ME3: variants seen among roughly 807,000 people sequenced by gnomAD.
ME3 encodes malic enzyme 3.
Under a neutral mutation model 68.9 loss-of-function variants are expected in ME3, and 48 were observed. That is an observed-to-expected ratio of 0.70 (90% CI 0.55 to 0.89). The LOEUF (loss-of-function observed/expected upper bound fraction) is 0.89. Ranked by LOEUF, ME3 falls within the 40% of genes least tolerant of loss-of-function variation. The pLI, the probability that ME3 is intolerant of heterozygous loss-of-function variation, is 0.00. For missense variants in ME3, 675 were observed against 797.4 expected, an observed-to-expected ratio of 0.85 and a Z score of 1.85; for synonymous variants, 320 against 318.8, an observed-to-expected ratio of 1.00 and a Z score of -0.04.
At chr11:86,497,942 C>T in intron 6 of ME3, 21 bp downstream of exon 6, 11 of 1,565,864 alleles carry the variant, frequency 7.0e-6, no homozygotes, top group Non-Finnish European at 9.5e-6. Flanking sequence ...CCCAGAGCTC[C>T]TGCCCTGGGC....
rs560130040 is a variant in ME3, at chr11:86,624,551, A to G, written c.183+47211T>C. The stretch of plus-strand genomic sequence containing the variant: ...TGCAGAGTTTCTGGAGTGGCTACTA[A>G]TTATAGGAACATCTGAGATAACTGG... On this transcript the variant is annotated intron_variant, in intron 2 of 14. Transcript: ENST00000543262. Among the ~76,000 whole-genome samples the G allele has an allele frequency of 3.9e-5, 6 of 152,360 alleles. No individual in the cohort carries two copies. In the South Asian group the frequency reaches 1.2e-3, roughly 32 times the overall value.
intron 8 of ME3, among the ~76,000 whole-genome samples, chr11:86,451,033 G>T (rs1192898879): frequency 6.6e-6 from 1 of 152,216 alleles, no homozygotes; most frequent in Non-Finnish European, 1.5e-5. Flanking sequence ...AAAAACTTGG[G>T]CTTGGTTTAC....
intron 4 of ME3, among the ~76,000 whole-genome samples, chr11:86,534,816 C>T (rs1955535980): frequency 6.6e-6 from 1 of 152,122 alleles, no homozygotes; most frequent in South Asian, 2.1e-4. Context: ...TGGGTTTGCT[C>T]TCTGAGGCTT....
chr11:86,450,057 T>A (rs576463620), intron 9 of ME3, 55 bp from the exon 10 acceptor site: 6 of 1,370,016 alleles, frequency 4.4e-6, no homozygotes, highest in African/African-American at 2.9e-5. Context: ...CTGCTGAACA[T>A]TTATCTGATG....
At chr11:86,547,716 G>T (rs954423330) in intron 4 of ME3, among the ~76,000 whole-genome samples, 10 of 152,096 alleles carry the variant, frequency 6.6e-5, no homozygotes, top group Non-Finnish European at 1.2e-4. Flanking sequence ...TGAGCAAACA[G>T]AACATTTAGT....
In ME3 at chr11:86,655,947, C is replaced by G. The variant is rs1034715037; in HGVS notation, c.183+15815G>C. ...TCAAAAAGTGGGCCAAGGACATGAA[C>G]AGACACTTCTCAAAAGAAGACATTT... On this transcript the variant is annotated intron_variant, in intron 2 of 14. Transcript: ENST00000543262. 4.2e-3 allele frequency among the ~76,000 whole-genome samples: 634 copies of G among 151,986 alleles called. 20 individuals are homozygous for G. In the East Asian group the frequency reaches 0.083, roughly 20 times the overall value.
chr11:86,670,583 C>A (rs1946862151), intron 2 of ME3, among the ~76,000 whole-genome samples: 1 of 152,156 alleles, frequency 6.6e-6, no homozygotes, highest in Non-Finnish European at 1.5e-5. Flanking sequence ...TTGGAAAGAG[C>A]AGGACTCCAA....
chr11:86,452,849 T>C (rs1466406071), intron 8 of ME3, among the ~76,000 whole-genome samples: 1 of 152,204 alleles, frequency 6.6e-6, no homozygotes, highest in Admixed American at 6.5e-5. Context: ...TGCTTAGAGG[T>C]GGATACAGTG....
At chr11:86,522,826 G>T (rs201116961) in intron 4 of ME3, among the ~76,000 whole-genome samples, 5 of 152,166 alleles carry the variant, frequency 3.3e-5, no homozygotes, top group Middle Eastern at 3.4e-3. Context: ...AACTATTTAC[G>T]TAGAATTTAC....
chr11:86,447,623 G>A (rs1347408435), intron 11 of ME3, among the ~76,000 whole-genome samples: 1 of 152,032 alleles, frequency 6.6e-6, no homozygotes, highest in East Asian at 1.9e-4. Context: ...GGGGGCAGTG[G>A]GGTGGGTACA....
chr11:86,521,327 G>A (rs1174556566), intron 4 of ME3, among the ~76,000 whole-genome samples: 2 of 151,716 alleles, frequency 1.3e-5, no homozygotes, highest in African/African-American at 4.9e-5. Context: ...CCCAGGAGGC[G>A]GAGCTTGCAG....
At chr11:86,467,599 T>A (rs1483041463) in intron 7 of ME3, among the ~76,000 whole-genome samples, 1 of 151,846 alleles carries the variant, frequency 6.6e-6, no homozygotes, top group Non-Finnish European at 1.5e-5. Context: ...GCTGAAAAGG[T>A]CAGACAACAA....
intron 7 of ME3, among the ~76,000 whole-genome samples, chr11:86,467,243 G>T (rs763821314): frequency 1.4e-4 from 22 of 152,332 alleles, no homozygotes; most frequent in Non-Finnish European, 2.9e-4. Flanking sequence ...ACTGAAGCCT[G>T]AGGGTAATTT....
chr11:86,630,730 T>C (rs1943961217), intron 2 of ME3, among the ~76,000 whole-genome samples: 1 of 152,186 alleles, frequency 6.6e-6, no homozygotes, highest in Non-Finnish European at 1.5e-5. Context: ...TCAGAAGCTG[T>C]TGTTATTATT....
intron 4 of ME3, 68 bp downstream of exon 4, chr11:86,556,481 TGAAG>T (rs1423744621): frequency 6.5e-7 from 1 of 1,527,192 alleles, no homozygotes; most frequent in Admixed American, 2.0e-5. Flanking sequence ...CCAATATGCA[TGAAG>T]GGCGGAAAGA....
intron 2 of ME3, among the ~76,000 whole-genome samples, chr11:86,612,156 T>C (rs1355044217): frequency 1.3e-5 from 2 of 152,200 alleles, no homozygotes; most frequent in Non-Finnish European, 2.9e-5. Flanking sequence ...AGTGAGAACA[T>C]GTGGTGTTTG....
chr11:86,525,021 G>A (rs72953626), intron 4 of ME3, among the ~76,000 whole-genome samples: 25,501 of 152,158 alleles, frequency 0.17, 2,335 homozygotes, highest in African/African-American at 0.24. Context: ...AAAGATGTGT[G>A]TGTCTCTGGT....
In ME3 at chr11:86,653,316, C is replaced by G. The variant is rs578109955; in HGVS notation, c.183+18446G>C. ...CATTATTTTCAGCACCACACCACAC[C>G]CATTCCAAAATTGACCACATAGTTG... On this transcript the variant is annotated intron_variant, in intron 2 of 14. Transcript: ENST00000543262. Among the ~76,000 whole-genome samples, 10 of 152,278 alleles carry G rather than the reference C, an allele frequency of 6.6e-5. No homozygotes were observed. In the East Asian group the frequency reaches 1.9e-3, roughly 29 times the overall value.
At chr11:86,593,223 A>AAGAAGGATTGATTGAGTGT (rs1959159535) in intron 2 of ME3, among the ~76,000 whole-genome samples, 3 of 116,930 alleles carry the variant, frequency 2.6e-5, no homozygotes, top group African/African-American at 6.4e-5. Flanking sequence ...AAAGTTAGCT[A>AAGAAGGATTGATTGAGTGT]CTGCCTGCAA....
Sources: allele counts gnomAD v4.1 joint callset (sites outside exome capture counted in the v4.1 genomes callset), GRCh38; gene constraint gnomAD v4.1.1; transcripts MANE v1.5; gene names NCBI Gene and HGNC (gene_info 2026-07-23, HGNC 2026-07-21).